EFCAB3: variants seen among roughly 807,000 people sequenced by gnomAD.
EFCAB3 encodes the protein EF-hand calcium binding domain 3.
EFCAB3 carries 36 observed loss-of-function variants against 42.2 expected under a neutral mutation model. That is an observed-to-expected ratio of 0.85 (90% CI 0.65 to 1.13). EFCAB3 has a LOEUF of 1.13. Among genes scored for constraint, EFCAB3 ranks in the 50% most tolerant of loss-of-function variants. EFCAB3 has a pLI of 0.00. For synonymous variants in EFCAB3, 170 were observed against 172.8 expected, an observed-to-expected ratio of 0.98 and a Z score of 0.13; for missense variants, 418 against 505.1, an observed-to-expected ratio of 0.83 and a Z score of 1.65.
intron 6 of EFCAB3, among the ~76,000 whole-genome samples, chr17:62,403,124 A>ACACATACTT (rs2070418513): frequency 6.6e-6 from 1 of 151,930 alleles, no homozygotes; most frequent in South Asian, 2.1e-4. Context: ...ATCTGTGTCC[A>ACACATACTT]CACATACTTC....
chr17:62,371,283 G>A (rs981468622), intron 1 of EFCAB3, among the ~76,000 whole-genome samples: 10 of 152,030 alleles, frequency 6.6e-5, no homozygotes, highest in African/African-American at 9.7e-5. Flanking sequence ...TGCCGGGCGC[G>A]GTGGCTCACA....
chr17:62,380,461 C>A, upstream of EFCAB3: 1 of 560,814 alleles, frequency 1.8e-6, no homozygotes, highest in Non-Finnish European at 2.3e-6. Flanking sequence ...AACACACTTG[C>A]TGTAAGGTTG....
intron 1 of EFCAB3, 145 bp from the exon 2 acceptor site, chr17:62,382,818 A>T (rs2070214498): frequency 3.3e-6 from 2 of 614,126 alleles, no homozygotes; most frequent in Non-Finnish European, 5.5e-6. Context: ...AACTTTATGC[A>T]TACCTCTAAC....
chr17:62,387,659 A>T (rs527556029), intron 3 of EFCAB3, among the ~76,000 whole-genome samples: 89 of 152,350 alleles, frequency 5.8e-4, no homozygotes, highest in Non-Finnish European at 9.4e-4. Flanking sequence ...GGTATGGAAA[A>T]GAACAAACGC....
intron 5 of EFCAB3, 76 bp from the exon 6 acceptor site, chr17:62,394,989 GTAA>G (rs2144084838): frequency 6.6e-7 from 1 of 1,515,718 alleles, no homozygotes; most frequent in Non-Finnish European, 8.9e-7. Flanking sequence ...TATTATTATT[GTAA>G]ATAATCAGTA....
Position 62,405,864 on chromosome 17 carries a change from A to G in EFCAB3, c.489-616A>G, listed in dbSNP as rs868630744. 7.2e-5 allele frequency among the ~76,000 whole-genome samples: 11 copies of G among 152,342 alleles called. No individual in the cohort carries two copies. The Middle Eastern group carries it at 0.014, about 188-fold the overall frequency. On this transcript the variant is annotated intron_variant, in intron 6 of 9. Coordinates refer to ENST00000305286, the MANE Select transcript of EFCAB3 (RefSeq NM_173503.4). ...AATGCAATCAATAGTGATTTACTCCAGATCGTAAGCTTACTGGTAGTATTT... is the reference window on the plus strand; with the variant it reads ...AATGCAATCAATAGTGATTTACTCCGGATCGTAAGCTTACTGGTAGTATTT...
In EFCAB3 at chr17:62,395,094, T is replaced by G; in HGVS notation, c.394T>G (p.Leu132Val). The change falls in exon 6 of 10, where the codon TTG (leucine) becomes GTG (valine). Residue 132 changes from leucine to valine, a missense_variant. Transcript: ENST00000305286. ...VVPEKETCLD[L>V]AGNPGILLFE... ...TCCAGAAAAGGAGACCTGTTTAGAT[T>G]TGGCTGGCAACCCAGGAATCCTATT... The G allele has an allele frequency of 6.2e-7, 1 of 1,614,120 alleles. No individual in the cohort carries two copies. The highest frequency in any genetic ancestry group is 2.2e-5 in the East Asian group (1 of 44,878).
At chr17:62,370,420 C>T (rs563497865) in intron 1 of EFCAB3, 8 of 1,233,180 alleles carry the variant, frequency 6.5e-6, no homozygotes, top group Non-Finnish European at 9.3e-6. Context: ...TTTGAGATGC[C>T]AAGGCAGGTG....
At chr17:62,384,460 C>T (rs919671703) in intron 2 of EFCAB3, among the ~76,000 whole-genome samples, 1 of 152,006 alleles carries the variant, frequency 6.6e-6, no homozygotes, top group African/African-American at 2.4e-5. Context: ...AAAAAAGATA[C>T]AAAAATTAAC....
chr17:62,406,644 A>T lies in EFCAB3; in HGVS notation c.653A>T (p.Asp218Val). The T allele has an allele frequency of 6.2e-7, 1 of 1,613,968 alleles. No individual in the cohort carries two copies. Among genetic ancestry groups the T allele is most frequent in the Non-Finnish European group, 8.5e-7 (1 of 1,179,950 alleles). ...AARIAIMKEK[D>V]LFKFLEELKR... ...CGGATTGCAATAATGAAAGAAAAGG[A>T]TTTATTTAAATTTCTTGAAGAGCTC... Residue 218 changes from aspartate to valine, a missense_variant, in exon 7 of 10, where the codon GAT becomes GTT. Physicochemically the swap from Asp to Val is radical, Grantham distance 152. Coordinates refer to ENST00000305286, the MANE Select transcript of EFCAB3 (RefSeq NM_173503.4).
At chr17:62,375,114 T>C (rs1402509503) in intron 2 of EFCAB3, among the ~76,000 whole-genome samples, 7 of 152,110 alleles carry the variant, frequency 4.6e-5, no homozygotes, top group Non-Finnish European at 8.8e-5. Context: ...ACCTTGTCTG[T>C]AAAAAGAAAT....
In EFCAB3 at chr17:62,386,384, T is replaced by C. The variant is rs537076711; in HGVS notation, c.75-956T>C. Among the ~76,000 whole-genome samples the C allele has an allele frequency of 2.0e-5, 3 of 152,292 alleles. No individual in the cohort carries two copies. The East Asian group carries it at 5.8e-4, about 29-fold the overall frequency. ...GTTTCAAATTTTCAGAGGTGTTCTC[T>C]ATCTTTATTTCACTCTCTTATACAC... On this transcript the variant is annotated intron_variant, in intron 2 of 9. Transcript: ENST00000305286.
intron 2 of EFCAB3, among the ~76,000 whole-genome samples, chr17:62,374,155 C>T (rs192585249): frequency 3.9e-4 from 60 of 152,158 alleles, no homozygotes; most frequent in African/African-American, 1.3e-3. Flanking sequence ...ATATTAAAAT[C>T]TTACTTTTTT....
At chr17:62,389,868 G>T (rs940965141) in intron 3 of EFCAB3, among the ~76,000 whole-genome samples, 1 of 151,846 alleles carries the variant, frequency 6.6e-6, no homozygotes, top group South Asian at 2.1e-4. Flanking sequence ...CTCACTGCAA[G>T]CTCCGCCTCC....
chr17:62,401,189 C>T (rs2070400191), intron 6 of EFCAB3, among the ~76,000 whole-genome samples: 1 of 152,136 alleles, frequency 6.6e-6, no homozygotes, highest in Admixed American at 6.6e-5. Context: ...TGAATATTAG[C>T]CCTTTGTCAG....
At chr17:62,374,121 T>C (rs2070133185) in intron 2 of EFCAB3, among the ~76,000 whole-genome samples, 1 of 152,222 alleles carries the variant, frequency 6.6e-6, no homozygotes, top group South Asian at 2.1e-4. Flanking sequence ...ATGTCCAATG[T>C]ATTTACATTC....
intron 1 of EFCAB3, chr17:62,373,730 C>G (rs1031040755): frequency 1.7e-5 from 13 of 759,850 alleles, no homozygotes; most frequent in Non-Finnish European, 2.8e-5. Flanking sequence ...AGAATTTCAG[C>G]CTATTATATT....
At chr17:62,386,813 G>T (rs904930711) in intron 2 of EFCAB3, among the ~76,000 whole-genome samples, 1 of 151,690 alleles carries the variant, frequency 6.6e-6, no homozygotes, top group African/African-American at 2.4e-5. Flanking sequence ...TTTTGAGATA[G>T]GGTCTCACTC....
upstream of EFCAB3, among the ~76,000 whole-genome samples, chr17:62,378,238 G>T (rs2070166030): frequency 6.6e-6 from 1 of 152,062 alleles, no homozygotes; most frequent in Non-Finnish European, 1.5e-5. Flanking sequence ...GTGATTATCA[G>T]GTATTTTATA....
Sources: gnomAD v4.1 joint callset for allele counts (sites outside exome capture counted in the v4.1 genomes callset) on GRCh38, gnomAD v4.1.1 for gene constraint, MANE v1.5 for transcripts, NCBI Gene and HGNC (gene_info 2026-07-23, HGNC 2026-07-21) for gene names.